Variants in COL4A4 observed in about 807,000 individuals in gnomAD.
The protein encoded by COL4A4 is collagen alpha-4(IV) chain.
COL4A4 carries 105 observed loss-of-function variants against 192.9 expected under a neutral mutation model. That is an observed-to-expected ratio of 0.54 (90% CI 0.46 to 0.64). The LOEUF (loss-of-function observed/expected upper bound fraction) is 0.64, where lower values mean the gene tolerates loss of function less well. Ranked by LOEUF, COL4A4 falls within the 30% of genes least tolerant of loss-of-function variation. The pLI, the probability that COL4A4 is intolerant of heterozygous loss-of-function variation, is 0.00. For missense variants in COL4A4, 1,967 were observed against 2,169.3 expected (o/e 0.91, Z 1.85); for synonymous variants, 762 against 769.9 (o/e 0.99, Z 0.17).
chr2:226,967,450 T>C, the COL4A4 span, among the ~76,000 whole-genome samples: 1 of 152,110 alleles, frequency 6.6e-6, no homozygotes, highest in Non-Finnish European at 1.5e-5. Context: ...TTGTTACATA[T>C]GTATACATGT....
At chr2:227,102,542 A>C (rs1182390065) in intron 15 of COL4A4, among the ~76,000 whole-genome samples, 9 of 152,194 alleles carry the variant, frequency 5.9e-5, no homozygotes, top group African/African-American at 2.2e-4. Context: ...GTGCCAGACA[A>C]GAGATGGCAC....
intron 41 of COL4A4, 88 bp from the exon 42 acceptor site, chr2:227,028,097 T>G (rs1316692013): frequency 6.3e-6 from 6 of 945,040 alleles, no homozygotes; most frequent in Non-Finnish European, 9.9e-6. Flanking sequence ...ATTCAGAGAT[T>G]CACTCCAACA....
chr2:226,975,510 C>G, the COL4A4 span, among the ~76,000 whole-genome samples: 76 of 152,150 alleles, frequency 5.0e-4, 1 homozygote, highest in Non-Finnish European at 4.6e-4. Context: ...CCCCCTCGGG[C>G]CACCCAGAAG....
Position 227,098,753 on chromosome 2 carries a change from CCT to C in COL4A4, c.1143_1144del (p.Asp383CysfsTer46), listed in dbSNP as rs2150739953. The C allele has an allele frequency of 1.9e-6, 3 of 1,614,044 alleles. No homozygotes were observed. The highest frequency in any genetic ancestry group is 1.7e-6 in the Non-Finnish European group (2 of 1,179,970). On this transcript the variant is annotated frameshift_variant, in exon 19 of 48. Transcript: ENST00000396625. LOFTEE classifies it high-confidence loss of function. ...TGGGGGACCAGGTGGTCCAACATCC[CCT>C]GTTTCTCCATAGCGGCCAGGGAACC...
the COL4A4 span, among the ~76,000 whole-genome samples, chr2:226,974,174 G>T: frequency 2.0e-5 from 3 of 152,224 alleles, no homozygotes; most frequent in African/African-American, 7.2e-5. Flanking sequence ...ATGTGGGAAG[G>T]TTCCGCTGAA....
chr2:227,098,625 G>T, intron 19 of COL4A4, 69 bp downstream of exon 19: 4 of 1,161,758 alleles, frequency 3.4e-6, no homozygotes, highest in Non-Finnish European at 5.2e-6. Context: ...ACAGTTGAAA[G>T]CTACTGGTGC....
chr2:227,133,329 G>A (rs1293457904), intron 4 of COL4A4, among the ~76,000 whole-genome samples: 3 of 152,142 alleles, frequency 2.0e-5, no homozygotes, highest in African/African-American at 4.8e-5. Flanking sequence ...ACGTAGACTC[G>A]GTCTGTTTGG....
chr2:227,016,372 A>G (rs1964861580), intron 44 of COL4A4, among the ~76,000 whole-genome samples: 1 of 152,120 alleles, frequency 6.6e-6, no homozygotes, highest in Admixed American at 6.6e-5. Flanking sequence ...ACTGAATAAG[A>G]CAATATCCTG....
chr2:227,007,131 C>A lies in COL4A4; in HGVS notation c.*194G>T. 1.3e-6 allele frequency: 1 copy of A among 760,588 alleles called. No homozygotes were observed. Among genetic ancestry groups the A allele is most frequent in the Non-Finnish European group, 2.2e-6 (1 of 445,900 alleles). The allele number at this position is 760,588 out of a possible 1,614,324, so 47.1% of individuals were successfully genotyped here. A position where few individuals can be genotyped will look rare whatever the true frequency, so the allele number is the denominator to read the frequency against. ...TCTAGGCTCCCTAGATTGGGAGGTC[C>A]AAACAAATCCATCTGTGCAGCATTT... On this transcript the variant is annotated 3_prime_UTR_variant, in exon 48 of 48. Coordinates refer to ENST00000396625, the MANE Select transcript of COL4A4 (RefSeq NM_000092.5).
chr2:227,049,980 C>T (rs574440796), intron 34 of COL4A4, 88 bp downstream of exon 34: 25 of 1,262,154 alleles, frequency 2.0e-5, no homozygotes, highest in Non-Finnish European at 2.8e-5. Context: ...ATACACTTTG[C>T]TTATCATGTA....
At chr2:226,973,670 A>G in the COL4A4 span, among the ~76,000 whole-genome samples, 26 of 152,368 alleles carry the variant, frequency 1.7e-4, no homozygotes, top group African/African-American at 5.5e-4. Context: ...AAGAGTAAAC[A>G]GATGGAGATG....
At chr2:227,118,510 C>A in intron 7 of COL4A4, 135 bp downstream of exon 7, 2 of 727,264 alleles carry the variant, frequency 2.8e-6, no homozygotes, top group Non-Finnish European at 4.9e-6. Flanking sequence ...TGTCCTTATC[C>A]CCCAGCCACT....
chr2:227,007,600 A>G lies in COL4A4; in HGVS notation c.4810-12T>C, dbSNP rs1446121975. ...CCAGCTCCTGTGTGCTACCCAGAAA[A>G]CAAGAGAGAATTAGGGCTCAGACAC... On this transcript the variant is annotated splice_polypyrimidine_tract_variant and intron_variant, in intron 47 of 47. Coordinates refer to ENST00000396625, the MANE Select transcript of COL4A4 (RefSeq NM_000092.5). 1.2e-6 allele frequency: 2 copies of G among 1,612,236 alleles called. No individual in the cohort carries two copies. The highest frequency in any genetic ancestry group is 2.2e-5 in the South Asian group (2 of 90,988).
At chr2:227,094,679 A>T (rs1046921886) in intron 19 of COL4A4, among the ~76,000 whole-genome samples, 1 of 152,246 alleles carries the variant, frequency 6.6e-6, no homozygotes, top group African/African-American at 2.4e-5. Flanking sequence ...AATTTTGCTA[A>T]GAGGCTAGAT....
In COL4A4 at chr2:227,103,875, T is replaced by C. The variant is rs551708688; in HGVS notation, c.816+97A>G. The C allele has an allele frequency of 1.1e-4, 92 of 850,418 alleles. No individual in the cohort carries two copies. The East Asian group carries it at 2.4e-3, about 22-fold the overall frequency. The allele number at this position is 850,418 out of a possible 1,614,324, so 52.7% of individuals were successfully genotyped here. ...AGTAGGTTTGAAACTAGTGCAGTGA[T>C]GCATAGAAAGACCTCTATACTTTGC... On this transcript the variant is annotated intron_variant, in intron 13 of 47. Transcript: ENST00000396625.
At chr2:227,014,323 A>G (rs980116934) in intron 44 of COL4A4, among the ~76,000 whole-genome samples, 1 of 152,174 alleles carries the variant, frequency 6.6e-6, no homozygotes, top group Non-Finnish European at 1.5e-5. Context: ...GAGAATCTGC[A>G]TTTCTAGAAG....
At chr2:226,970,931 G>C in the COL4A4 span, among the ~76,000 whole-genome samples, 1 of 152,160 alleles carries the variant, frequency 6.6e-6, no homozygotes, top group Non-Finnish European at 1.5e-5. Flanking sequence ...ATCATTTCAA[G>C]TGTATTAAAA....
intron 23 of COL4A4, among the ~76,000 whole-genome samples, chr2:227,081,379 C>T (rs1217814328): frequency 6.6e-6 from 1 of 152,170 alleles, no homozygotes; most frequent in African/African-American, 2.4e-5. Context: ...ATGCTTCCTG[C>T]CCTTGGACAT....
the COL4A4 span, chr2:226,988,847 T>A: frequency 3.3e-6 from 1 of 307,088 alleles, no homozygotes; most frequent in Non-Finnish European, 4.8e-6. Flanking sequence ...TAGACCTATC[T>A]ATTGCCAAAC....
Sources: gnomAD v4.1 joint callset for allele counts (sites outside exome capture counted in the v4.1 genomes callset) on GRCh38, gnomAD v4.1.1 for gene constraint, MANE v1.5 for transcripts, NCBI Gene and HGNC (gene_info 2026-07-23, HGNC 2026-07-21) for gene names.